The following HLA-DOB variants were observed in gnomAD, a reference collection of about 807,000 sequenced individuals.
HLA-DOB encodes major histocompatibility complex, class II, DO beta, also known as HLA class II histocompatibility antigen, DO beta chain.
Under a neutral mutation model 27.7 loss-of-function variants are expected in HLA-DOB, and 25 were observed. The observed-to-expected ratio is 0.90, with a 90% CI of 0.66 to 1.26. The LOEUF (loss-of-function observed/expected upper bound fraction) is 1.26, where lower values mean the gene tolerates loss of function less well. HLA-DOB is among the 50% of genes most tolerant of loss of function. The probability of loss-of-function intolerance (pLI) is 0.00; values close to 1 mark genes in which losing one functional copy is unlikely to be tolerated. For missense variants in HLA-DOB, 306 were observed against 324.9 expected (o/e 0.94, Z 0.45); for synonymous variants, 137 against 125.6 (o/e 1.09, Z -0.61).
At chr6:32,816,084 T>C (rs1271456628) in intron 1 of HLA-DOB, among the ~76,000 whole-genome samples, 1 of 152,250 alleles carries the variant, frequency 6.6e-6, no homozygotes, top group Non-Finnish European at 1.5e-5. Flanking sequence ...TATTGTTTAA[T>C]GGACATTATA....
At chr6:32,816,789 C>G (rs556145564) in intron 1 of HLA-DOB, 72 bp downstream of exon 1, 1 of 1,248,948 alleles carries the variant, frequency 8.0e-7, no homozygotes, top group Non-Finnish European at 1.2e-6. Context: ...CCTGGACTTA[C>G]AAAGAAAGGC....
At chr6:32,814,221 C>G in intron 3 of HLA-DOB, 99 bp downstream of exon 3, 1 of 1,185,956 alleles carries the variant, frequency 8.4e-7, no homozygotes, top group Non-Finnish European at 1.2e-6. Flanking sequence ...AAGAATAATT[C>G]ATGTTGTGAC....
At position 32,815,203 on chromosome 6, in the gene HLA-DOB, T is replaced by G; in HGVS notation, c.202A>C (p.Ser68Arg). 1 of 1,614,204 alleles carries G rather than the reference T, an allele frequency of 6.2e-7. No individual in the cohort carries two copies. The highest frequency in any genetic ancestry group is 8.5e-7 in the Non-Finnish European group (1 of 1,180,034). The change falls in exon 2 of 6, where the codon AGT becomes CGT. Residue 68 changes from serine (S) to arginine (R), a missense_variant. Ser to Arg is a moderately radical substitution (Grantham distance 110). Transcript: ENST00000438763. ...FNLEEYVRFDSDVGMFVALTK... is the reference protein window; with the variant it reads ...FNLEEYVRFDRDVGMFVALTK... Reference sequence around the variant, plus strand: ...AATGCCACAAACATCCCCACATCACTGTCGAAACGTACATACTCCTCCAAG... The same window carrying G: ...AATGCCACAAACATCCCCACATCACGGTCGAAACGTACATACTCCTCCAAG...
At chr6:32,813,614 C>A (rs1288694221) in intron 4 of HLA-DOB, 109 bp downstream of exon 4, 2 of 1,176,488 alleles carry the variant, frequency 1.7e-6, no homozygotes, top group Non-Finnish European at 2.5e-6. Context: ...TCCCGGTGAT[C>A]CCTGAGAGGC....
At position 32,814,371 on chromosome 6, in the gene HLA-DOB, T is replaced by C. The variant is rs113873432; in HGVS notation, c.592A>G (p.Thr198Ala). The part of the protein sequence containing the change: ...EMTPELGHVY[T>A]CLVDHSSLLS... The stretch of plus-strand genomic sequence containing the variant: ...AGGCTGGAGTGATCGACAAGGCAGG[T>C]GTAGACATGTCCAAGTTCAGGAGTC... The change falls in exon 3 of 6, where the codon ACC becomes GCC. Residue 198 changes from threonine (T) to alanine (A), a missense_variant. By Grantham distance (58) the Thr-to-Ala change is moderately conservative (BLOSUM62 0). Coordinates refer to ENST00000438763, the MANE Select transcript of HLA-DOB (RefSeq NM_002120.4). The C allele has an allele frequency of 6.2e-7, 1 of 1,612,928 alleles. No homozygotes were observed.
At chr6:32,813,534 G>C in intron 4 of HLA-DOB, 63 bp from the exon 5 acceptor site, 1 of 1,576,248 alleles carries the variant, frequency 6.3e-7, no homozygotes, top group South Asian at 1.1e-5. Context: ...TTATCCCGAG[G>C]GAAGAACAAA....
Position 32,813,115 on chromosome 6 carries a change from A to C in HLA-DOB, c.*101T>G. Reference sequence around the variant, plus strand: ...CCTCCAAGGATCAGGGAAGAGAGTTATTCCCAGAACATTGACCTCATGAAT... The same window carrying C: ...CCTCCAAGGATCAGGGAAGAGAGTTCTTCCCAGAACATTGACCTCATGAAT... On this transcript the variant is annotated 3_prime_UTR_variant, in exon 6 of 6. Transcript: ENST00000438763. 9.4e-7 allele frequency: 1 copy of C among 1,063,452 alleles called. No individual in the cohort carries two copies. The highest frequency in any genetic ancestry group is 1.5e-6 in the Non-Finnish European group (1 of 679,058). 65.9% of individuals were successfully genotyped at this position (1,063,452 alleles called of 1,614,324 possible). A position where few individuals can be genotyped will look rare whatever the true frequency, so the allele number is the denominator to read the frequency against.
At chr6:32,813,666 G>A in intron 4 of HLA-DOB, 57 bp downstream of exon 4, 5 of 1,219,330 alleles carry the variant, frequency 4.1e-6, no homozygotes, top group Non-Finnish European at 5.9e-6. Context: ...CGTTAGGGAA[G>A]GTGGGAGTGG....
At position 32,815,298 on chromosome 6, in the gene HLA-DOB, T is replaced by G. The variant is rs1208877205; in HGVS notation, c.107A>C (p.Gln36Pro). 6.2e-7 allele frequency: 1 copy of G among 1,613,982 alleles called. No individual in the cohort carries two copies. The highest frequency in any genetic ancestry group is 8.5e-7 in the Non-Finnish European group (1 of 1,179,824). ...GGTGAAGTAACAGTCAGCCTTTGCC[T>G]GAATCACAAAATCTTCTGGAAAACC... ...GTDSPEDFVI[Q>P]AKADCYFTNG... The change falls in exon 2 of 6, where the codon CAG becomes CCG. Residue 36 changes from glutamine to proline, a missense_variant. Gln to Pro is a moderately conservative substitution (Grantham distance 76, BLOSUM62 -1). Coordinates refer to ENST00000438763, the MANE Select transcript of HLA-DOB (RefSeq NM_002120.4).
intron 2 of HLA-DOB, 34 bp downstream of exon 2, chr6:32,815,010 C>T: frequency 6.2e-7 from 1 of 1,609,756 alleles, no homozygotes; most frequent in Non-Finnish European, 8.5e-7. Flanking sequence ...GGGGGACATT[C>T]CTGAGCCCCG....
intron 2 of HLA-DOB, 96 bp from the exon 3 acceptor site, chr6:32,814,697 C>G (rs1767945187): frequency 8.6e-7 from 1 of 1,168,606 alleles, no homozygotes; most frequent in African/African-American, 1.5e-5. Context: ...ATCTCTTTCC[C>G]AGATCACCCA....
In HLA-DOB at chr6:32,812,859, T is replaced by C. The variant is rs1219476149; in HGVS notation, c.*357A>G. On this transcript the variant is annotated 3_prime_UTR_variant, in exon 6 of 6. Transcript: ENST00000438763. ...ACCTGAGCATTTGTCTTCTGAAGAC[T>C]GTGGAGACTGCAGTTGGAAGACAGA... 1.7e-5 allele frequency: 5 copies of C among 294,628 alleles called. No individual in the cohort carries two copies. The highest frequency in any genetic ancestry group is 2.5e-5 in the Non-Finnish European group (4 of 158,142). 18.3% of individuals were successfully genotyped at this position (294,628 alleles called of 1,614,324 possible).
chr6:32,812,929 A>G lies in HLA-DOB; in HGVS notation c.*287T>C. The G allele has an allele frequency of 3.8e-6, 2 of 524,800 alleles. No individual in the cohort carries two copies. The highest frequency in any genetic ancestry group is 5.0e-5 in the South Asian group (2 of 39,610). The allele number at this position is 524,800 out of a possible 1,614,324, so 32.5% of individuals were successfully genotyped here. ...TTATAGGAGTAGGGCTGGACCACAGAAAAGTAAATGATTTGGGGCTGGAAG... is the reference window on the plus strand; with the variant it reads ...TTATAGGAGTAGGGCTGGACCACAGGAAAGTAAATGATTTGGGGCTGGAAG... On this transcript the variant is annotated 3_prime_UTR_variant, in exon 6 of 6. Coordinates refer to ENST00000438763, the MANE Select transcript of HLA-DOB (RefSeq NM_002120.4).
At chr6:32,814,626 A>C (rs1262756781) in intron 2 of HLA-DOB, 25 bp from the exon 3 acceptor site, 1 of 1,597,528 alleles carries the variant, frequency 6.3e-7, no homozygotes, top group Non-Finnish European at 8.6e-7. Flanking sequence ...AAAATGAGAC[A>C]CCGTGAAAGA....
intron 2 of HLA-DOB, 87 bp downstream of exon 2, chr6:32,814,957 G>T (rs1767954662): frequency 5.5e-6 from 8 of 1,463,300 alleles, no homozygotes; most frequent in Non-Finnish European, 7.5e-6. Context: ...TCCTAAAGCA[G>T]AAAATTGCTT....
chr6:32,814,516 A>AT lies in HLA-DOB; in HGVS notation c.446dup (p.Tyr149Ter), dbSNP rs1489274023. The part of the protein sequence containing the change: ...NLLHCSVTGF[Y>*]PGDIKIKWFL... ...ACCACTTGATCTTGATATCCCCTGG[A>AT]TAGAAGCCTGTCACAGAGCAGTGCA... Residue 149 changes from tyrosine (Y) to a stop codon, truncating the protein, a stop_gained and frameshift_variant, in exon 3 of 6, where the codon TAT becomes TAAT. Coordinates refer to ENST00000438763, the MANE Select transcript of HLA-DOB (RefSeq NM_002120.4). LOFTEE classifies it high-confidence loss of function. 2.5e-6 allele frequency: 4 copies of AT among 1,613,066 alleles called. No individual in the cohort carries two copies. In the South Asian group the frequency reaches 4.4e-5, roughly 18 times the overall value.
chr6:32,814,084 T>C (rs996460256), intron 3 of HLA-DOB: 5 of 605,392 alleles, frequency 8.3e-6, no homozygotes, highest in African/African-American at 3.7e-5. Context: ...GTTCATAGGG[T>C]TGGAAGCACA....
At chr6:32,813,548 C>CAGTG in intron 4 of HLA-DOB, 77 bp from the exon 5 acceptor site, 1 of 1,513,224 alleles carries the variant, frequency 6.6e-7, no homozygotes, top group South Asian at 1.1e-5. Context: ...GAACAAATGG[C>CAGTG]TGGCAAGGTC....
chr6:32,814,408 C>T lies in HLA-DOB; in HGVS notation c.555G>A (p.Val185=). The change falls in exon 3 of 6, where the codon GTG becomes GTA. Residue 185 remains valine, a synonymous_variant. Transcript: ENST00000438763. Reference sequence around the variant, plus strand: ...CAAGTTCAGGAGTCATTTCTAGCATCACCACAGTCTGAAAGGTCCAGTCTC... The same window carrying T: ...CAAGTTCAGGAGTCATTTCTAGCATTACCACAGTCTGAAAGGTCCAGTCTC... ...RNGDWTFQTV[V]MLEMTPELGH... is the part of the protein sequence containing the mutation. 1 of 1,613,038 alleles carries T rather than the reference C, an allele frequency of 6.2e-7. No homozygotes were observed.
Sources: allele counts gnomAD v4.1 joint callset (sites outside exome capture counted in the v4.1 genomes callset), GRCh38; gene constraint gnomAD v4.1.1; transcripts MANE v1.5; gene names NCBI Gene and HGNC (gene_info 2026-07-23, HGNC 2026-07-21).